Variants in UBR2 observed in about 807,000 individuals in gnomAD.
The protein encoded by UBR2 is E3 ubiquitin-protein ligase UBR2.
UBR2 carries 92 observed loss-of-function variants against 247.9 expected under a neutral mutation model. The ratio of observed to expected loss-of-function variants is 0.37; its 90% CI spans 0.31 to 0.44. The LOEUF (loss-of-function observed/expected upper bound fraction) is 0.44, where lower values mean the gene tolerates loss of function less well. Ranked by LOEUF, UBR2 falls within the 20% of genes least tolerant of loss-of-function variation. The probability of loss-of-function intolerance (pLI) is 1.00; values close to 1 mark genes in which losing one functional copy is unlikely to be tolerated. For missense variants in UBR2, 1,613 were observed against 2,112.6 expected, an observed-to-expected ratio of 0.76 and a Z score of 4.64; for synonymous variants, 672 against 693.5, an observed-to-expected ratio of 0.97 and a Z score of 0.49.
intron 14 of UBR2, among the ~76,000 whole-genome samples, 168 bp from the exon 15 acceptor site, chr6:42,636,843 C>CA (rs1273791391): frequency 6.6e-6 from 1 of 152,074 alleles, no homozygotes; most frequent in Non-Finnish European, 1.5e-5. Context: ...ATGTATCATT[C>CA]ACTGAGATGA....
chr6:42,589,865 G>A (rs1792539102), intron 2 of UBR2, among the ~76,000 whole-genome samples: 1 of 152,128 alleles, frequency 6.6e-6, no homozygotes, highest in African/African-American at 2.4e-5. Flanking sequence ...TGTACCTTGT[G>A]TGAAATGTGT....
At position 42,684,891 on chromosome 6, in the gene UBR2, T is replaced by C; in HGVS notation, c.4853+20T>C. On this transcript the variant is annotated intron_variant, in intron 44 of 46. Coordinates refer to ENST00000372901, the MANE Select transcript of UBR2 (RefSeq NM_001363705.2). ...TTTCTCGTAAGTTTTGCTGTTAGCA[T>C]TGAACATTCCCTGCCACTGGAAACA... 6.3e-7 allele frequency: 1 copy of C among 1,596,254 alleles called. No individual in the cohort carries two copies. Among genetic ancestry groups the C allele is most frequent in the East Asian group, 2.2e-5 (1 of 44,618 alleles).
At chr6:42,587,789 T>C (rs989027383) in intron 2 of UBR2, among the ~76,000 whole-genome samples, 2 of 152,228 alleles carry the variant, frequency 1.3e-5, no homozygotes, top group Admixed American at 1.3e-4. Flanking sequence ...TATGTTTATC[T>C]GAACATGTTT....
At chr6:42,650,528 C>G (rs1236049910) in intron 23 of UBR2, 142 bp downstream of exon 23, 1 of 616,208 alleles carries the variant, frequency 1.6e-6, no homozygotes, top group African/African-American at 1.9e-5. Context: ...AACTCCTGGG[C>G]TCAAGCAATT....
At chr6:42,667,017 T>C (rs918611857) in intron 34 of UBR2, among the ~76,000 whole-genome samples, 5 of 152,110 alleles carry the variant, frequency 3.3e-5, no homozygotes, top group Admixed American at 2.0e-4. Context: ...GTGCCTGGCA[T>C]GTACCAAGTA....
Position 42,648,120 on chromosome 6 carries a change from G to T in UBR2, c.2412G>T (p.Glu804Asp). 3.1e-6 allele frequency: 5 copies of T among 1,613,732 alleles called. No individual in the cohort carries two copies. Among genetic ancestry groups the T allele is most frequent in the Non-Finnish European group, 4.2e-6 (5 of 1,179,662 alleles). The change falls in exon 22 of 47, where the codon GAG becomes GAT. Residue 804 changes from glutamate (E) to aspartate (D), a missense_variant and splice_region_variant. By Grantham distance (45) the Glu-to-Asp change is conservative (BLOSUM62 2). This residue lies in a region of UBR2 where 1,524 missense variants were observed against 1,967.3 expected (regional missense o/e 0.77). Transcript: ENST00000372901. The part of the protein sequence containing the change: ...SELVKSLPED[E>D]NKETGMESVI... ...ACACTTGTGTCCTGTACCTTTAGGA[G>T]AACAAGGAGACTGGCATGGAGAGTG...
chr6:42,578,454 A>G (rs911400026), intron 2 of UBR2, among the ~76,000 whole-genome samples: 1 of 152,164 alleles, frequency 6.6e-6, no homozygotes, highest in African/African-American at 2.4e-5. Context: ...TCAGGGATAG[A>G]TGAAACTAGG....
chr6:42,649,485 G>A (rs1004535879), intron 22 of UBR2, among the ~76,000 whole-genome samples: 1 of 152,134 alleles, frequency 6.6e-6, no homozygotes, highest in Non-Finnish European at 1.5e-5. Flanking sequence ...CAAAATGAAA[G>A]CTTGTATTAC....
intron 1 of UBR2, among the ~76,000 whole-genome samples, chr6:42,570,669 G>A (rs1353281196): frequency 1.4e-5 from 2 of 147,152 alleles, no homozygotes; most frequent in Non-Finnish European, 3.0e-5. Flanking sequence ...ATGTAAAGTG[G>A]CTAGTTTTTT....
chr6:42,586,441 T>TCCA (rs1792266697), intron 2 of UBR2, among the ~76,000 whole-genome samples: 1 of 152,114 alleles, frequency 6.6e-6, no homozygotes, highest in Non-Finnish European at 1.5e-5. Flanking sequence ...GAAGGTATAT[T>TCCA]TTGCAGTTGT....
At chr6:42,625,169 C>A (rs1795259186) in intron 11 of UBR2, among the ~76,000 whole-genome samples, 2 of 152,158 alleles carry the variant, frequency 1.3e-5, no homozygotes, top group Admixed American at 1.3e-4. Flanking sequence ...CCAGTGTAAC[C>A]ATTTGGGCCT....
At chr6:42,647,275 A>G (rs1013531806) in intron 21 of UBR2, among the ~76,000 whole-genome samples, 1 of 151,436 alleles carries the variant, frequency 6.6e-6, no homozygotes, top group Non-Finnish European at 1.5e-5. Context: ...TTCAAAAAGC[A>G]TTTTTTAAGT....
chr6:42,622,405 G>GTTTTTTTTTTTTTTTT lies in UBR2; in HGVS notation c.1281+4912_1281+4913insTTTTTTTTTTTTTTTT, dbSNP rs112798050. On this transcript the variant is annotated intron_variant, in intron 11 of 46. Coordinates refer to ENST00000372901, the MANE Select transcript of UBR2 (RefSeq NM_001363705.2). ...ACATTGTTTTTGGGTTTTTTGGTGGGTTTTTTTTTTTTTTGAGACAGAACC... is the reference window on the plus strand; with the variant it reads ...ACATTGTTTTTGGGTTTTTTGGTGGGTTTTTTTTTTTTTTTTTTTTTTTTTTTTTTGAGACAGAACC... Among the ~76,000 whole-genome samples, 307 of 138,646 alleles carry GTTTTTTTTTTTTTTTT rather than the reference G, an allele frequency of 2.2e-3. 4 individuals are homozygous for GTTTTTTTTTTTTTTTT. Among genetic ancestry groups the GTTTTTTTTTTTTTTTT allele is most frequent in the African/African-American group, 7.9e-3 (291 of 36,790 alleles). The allele number at this position is 138,646 out of a possible 152,430, so 91.0% of individuals were successfully genotyped here.
chr6:42,605,686 AATAG>A, intron 5 of UBR2, 31 bp from the exon 6 acceptor site: 1 of 1,577,868 alleles, frequency 6.3e-7, no homozygotes, highest in Non-Finnish European at 8.6e-7. Flanking sequence ...ATAATAAACA[AATAG>A]ATAATATATC....
rs973699725 is a variant in UBR2 at position 42,691,398 on chromosome 6, G to C, written c.*225G>C. ...ATATAATGTCTTGGGTTTTAAGATC[G>C]AGCAAGGAGCTTCTCTTCCTAGATT... On this transcript the variant is annotated 3_prime_UTR_variant, in exon 47 of 47. Coordinates refer to ENST00000372901, the MANE Select transcript of UBR2 (RefSeq NM_001363705.2). 7.3e-5 allele frequency: 41 copies of C among 558,854 alleles called. No homozygotes were observed. Among genetic ancestry groups the C allele is most frequent in the African/African-American group, 7.2e-4 (38 of 52,762 alleles). 34.6% of individuals were successfully genotyped at this position (558,854 alleles called of 1,614,324 possible).
In UBR2 at chr6:42,635,450, A is replaced by T; in HGVS notation, c.1578A>T (p.Gln526His). 6.2e-7 allele frequency: 1 copy of T among 1,613,942 alleles called. No homozygotes were observed. ...GMDPITRQVGQHIEMEPEWEA... is the reference protein window; with the variant it reads ...GMDPITRQVGHHIEMEPEWEA... Reference sequence around the variant, plus strand: ...ATCCAATTACACGTCAAGTAGGACAACATATTGAAATGGAACCAGAGTGGG... The same window carrying T: ...ATCCAATTACACGTCAAGTAGGACATCATATTGAAATGGAACCAGAGTGGG... Residue 526 changes from glutamine to histidine, a missense_variant, in exon 14 of 47, where the codon CAA becomes CAT. Gln to His is a conservative substitution (Grantham distance 24, BLOSUM62 0). Transcript: ENST00000372901.
At chr6:42,641,962 A>G (rs895279283) in intron 17 of UBR2, among the ~76,000 whole-genome samples, 1 of 152,154 alleles carries the variant, frequency 6.6e-6, no homozygotes, top group African/African-American at 2.4e-5. Context: ...AAAAACCCAG[A>G]TTTTATCTAT....
At chr6:42,654,009 A>G (rs1797282829) in intron 25 of UBR2, among the ~76,000 whole-genome samples, 1 of 152,160 alleles carries the variant, frequency 6.6e-6, no homozygotes, top group African/African-American at 2.4e-5. Flanking sequence ...ACTTGGGCTC[A>G]GAGGCGTTCC....
chr6:42,639,119 T>C (rs1236833319), intron 15 of UBR2, among the ~76,000 whole-genome samples: 1 of 152,176 alleles, frequency 6.6e-6, no homozygotes, highest in Non-Finnish European at 1.5e-5. Flanking sequence ...ATGTTGAGCA[T>C]TTACAACATT....
Sources: allele counts gnomAD v4.1 joint callset (sites outside exome capture counted in the v4.1 genomes callset), GRCh38; gene constraint gnomAD v4.1.1; regional missense constraint gnomAD v4.1.1; transcripts MANE v1.5; gene names NCBI Gene and HGNC (gene_info 2026-07-23, HGNC 2026-07-21).